Variants in AKAP6 observed in about 807,000 individuals in gnomAD.
AKAP6 encodes A-kinase anchoring protein 6.
A neutral mutation model predicts 188.5 loss-of-function variants in AKAP6; 58 were observed. The ratio of observed to expected loss-of-function variants is 0.31; its 90% CI spans 0.25 to 0.38. The LOEUF is 0.38. Ranked by LOEUF, AKAP6 falls within the 10% of genes least tolerant of loss-of-function variation. AKAP6 has a pLI of 1.00. For missense variants in AKAP6, 2,710 were observed against 2,740.0 expected (o/e 0.99, Z 0.24); for synonymous variants, 989 against 998.6 (o/e 0.99, Z 0.18).
intron 2 of AKAP6, among the ~76,000 whole-genome samples, chr14:32,510,408 A>G (rs12892883): frequency 1.0e-5 from 1 of 99,842 alleles, no homozygotes; most frequent in African/African-American, 4.0e-5. Flanking sequence ...ATATATGTAT[A>G]TATATGTATA....
At chr14:32,611,986 C>T (rs927061) in intron 7 of AKAP6, among the ~76,000 whole-genome samples, 7,082 of 152,044 alleles carry the variant, frequency 0.047, 524 homozygotes, top group African/African-American at 0.16. Context: ...GAAGACAAAC[C>T]CCATGAGATT....
intron 4 of AKAP6, among the ~76,000 whole-genome samples, chr14:32,551,894 C>T (rs941903003): frequency 1.3e-5 from 2 of 151,866 alleles, no homozygotes; most frequent in African/African-American, 4.8e-5. Context: ...TCTCTATCTC[C>T]TGACCTTGTG....
chr14:32,660,002 A>G (rs1888618250), intron 7 of AKAP6, among the ~76,000 whole-genome samples: 1 of 151,882 alleles, frequency 6.6e-6, no homozygotes, highest in Admixed American at 6.6e-5. Context: ...GCTGGTTAAA[A>G]AAAATATATA....
intron 7 of AKAP6, among the ~76,000 whole-genome samples, chr14:32,612,765 G>A (rs1457642074): frequency 6.6e-6 from 1 of 152,104 alleles, no homozygotes; most frequent in Non-Finnish European, 1.5e-5. Context: ...TTGCTGAAAG[G>A]ATATACTCTG....
chr14:32,574,992 A>G (rs952100473), intron 4 of AKAP6, among the ~76,000 whole-genome samples: 3 of 152,154 alleles, frequency 2.0e-5, no homozygotes, highest in Middle Eastern at 3.2e-3. Flanking sequence ...GAAGGGATCT[A>G]TGGTAAACAT....
intron 11 of AKAP6, among the ~76,000 whole-genome samples, chr14:32,743,314 C>G (rs1446208477): frequency 6.6e-6 from 1 of 152,018 alleles, no homozygotes; most frequent in Non-Finnish European, 1.5e-5. Context: ...ATTTTTTCAT[C>G]CCTTCAGCCA....
intron 2 of AKAP6, among the ~76,000 whole-genome samples, chr14:32,518,389 A>C (rs1881635697): frequency 1.3e-5 from 2 of 152,200 alleles, no homozygotes; most frequent in African/African-American, 4.8e-5. Flanking sequence ...GTAATAACAG[A>C]CTTCTCTGAG....
At chr14:32,606,543 C>T (rs918602888) in intron 7 of AKAP6, among the ~76,000 whole-genome samples, 22 of 152,304 alleles carry the variant, frequency 1.4e-4, no homozygotes, top group Non-Finnish European at 2.2e-4. Flanking sequence ...ACAGTTCCTT[C>T]ACCCTTTTTA....
Position 32,466,398 on chromosome 14 carries a change from A to G in AKAP6, c.324+32581A>G, listed in dbSNP as rs943180134. 4.0e-5 allele frequency among the ~76,000 whole-genome samples: 6 copies of G among 149,528 alleles called. No individual in the cohort carries two copies. The East Asian group carries it at 9.6e-4, about 24-fold the overall frequency. On this transcript the variant is annotated intron_variant, in intron 2 of 13. Coordinates refer to ENST00000280979, the MANE Select transcript of AKAP6 (RefSeq NM_004274.5). ...ACACCATGGAATACTATGCAGCCAT[A>G]AAAAAGAATGAGTTCATGTCCTTTG...
At chr14:32,612,766 A>T (rs1886404962) in intron 7 of AKAP6, among the ~76,000 whole-genome samples, 1 of 152,154 alleles carries the variant, frequency 6.6e-6, no homozygotes, top group Non-Finnish European at 1.5e-5. Context: ...TGCTGAAAGG[A>T]TATACTCTGA....
At chr14:32,677,872 A>G (rs1889500061) in intron 7 of AKAP6, among the ~76,000 whole-genome samples, 1 of 152,246 alleles carries the variant, frequency 6.6e-6, no homozygotes, top group South Asian at 2.1e-4. Context: ...TAGAATTAAC[A>G]CTAGGCTTTT....
rs781091123 is a variant in AKAP6, at chr14:32,472,594, T to C, written c.324+38777T>C. On this transcript the variant is annotated intron_variant, in intron 2 of 13. Coordinates refer to ENST00000280979, the MANE Select transcript of AKAP6 (RefSeq NM_004274.5). ...CTTTGCTGAGAGGCATTGTGGAGAA[T>C]GCATGAAAACATGGCAGTGATGTTG... 4.6e-5 allele frequency among the ~76,000 whole-genome samples: 7 copies of C among 152,138 alleles called. 1 individual carries two copies. The South Asian group carries it at 1.2e-3, about 27-fold the overall frequency.
intron 2 of AKAP6, among the ~76,000 whole-genome samples, chr14:32,528,905 T>C (rs1367133203): frequency 6.6e-6 from 1 of 152,156 alleles, no homozygotes; most frequent in Admixed American, 6.5e-5. Flanking sequence ...CTTAAACTCC[T>C]GACTTCAGGT....
intron 1 of AKAP6, among the ~76,000 whole-genome samples, chr14:32,395,217 G>A (rs547379442): frequency 2.3e-4 from 35 of 152,086 alleles, no homozygotes; most frequent in Non-Finnish European, 3.5e-4. Flanking sequence ...GAATGCAGAG[G>A]ATAATAACAA....
chr14:32,735,561 G>T, intron 10 of AKAP6, 97 bp from the exon 11 acceptor site: 1 of 905,728 alleles, frequency 1.1e-6, no homozygotes, highest in Non-Finnish European at 1.6e-6. Context: ...GTGTGTTTTT[G>T]GTACCTAAGT....
Position 32,443,405 on chromosome 14 carries a change from AAC to A in AKAP6, c.324+9590_324+9591del, listed in dbSNP as rs1470056293. Among the ~76,000 whole-genome samples, 531 of 135,676 alleles carry A rather than the reference AAC, an allele frequency of 3.9e-3. 2 individuals carry two copies. Among genetic ancestry groups the A allele is most frequent in the East Asian group, 0.015 (63 of 4,178 alleles). 89.0% of individuals were successfully genotyped at this position (135,676 alleles called of 152,430 possible). A position where few individuals can be genotyped will look rare whatever the true frequency, so the allele number is the denominator to read the frequency against. ...AAGACTCCATCTCAAAACAAAACAA[AAC>A]AAAAAAAAAACAAAAAAACAAAAAA... is the stretch of plus-strand genomic sequence containing the variant. On this transcript the variant is annotated intron_variant, in intron 2 of 13. Transcript: ENST00000280979.
chr14:32,685,202 T>G (rs1236974870), intron 8 of AKAP6, among the ~76,000 whole-genome samples: 3 of 152,080 alleles, frequency 2.0e-5, no homozygotes, highest in African/African-American at 7.2e-5. Context: ...AGGTTGAGGC[T>G]GCAGTGAGCT....
chr14:32,799,897 CAA>C (rs2033884964), intron 12 of AKAP6, among the ~76,000 whole-genome samples: 1 of 151,508 alleles, frequency 6.6e-6, no homozygotes, highest in Non-Finnish European at 1.5e-5. Context: ...TATCACCTAC[CAA>C]AAGAGAGGTG....
At chr14:32,777,552 A>T (rs1246921008) in intron 12 of AKAP6, among the ~76,000 whole-genome samples, 2 of 152,236 alleles carry the variant, frequency 1.3e-5, no homozygotes, top group Non-Finnish European at 2.9e-5. Flanking sequence ...TGAAAAATAC[A>T]CTGGATGAGA....
Sources: allele counts gnomAD v4.1 joint callset (sites outside exome capture counted in the v4.1 genomes callset), GRCh38; gene constraint gnomAD v4.1.1; transcripts MANE v1.5; gene names NCBI Gene and HGNC (gene_info 2026-07-23, HGNC 2026-07-21).